PIK3C2G: variants seen among roughly 807,000 people sequenced by gnomAD.
PIK3C2G encodes the protein phosphatidylinositol-4-phosphate 3-kinase catalytic subunit type 2 gamma.
In PIK3C2G, 168 loss-of-function variants were observed where a neutral mutation model predicts 181.1. The observed-to-expected ratio is 0.93, with a 90% CI of 0.82 to 1.05. The LOEUF (loss-of-function observed/expected upper bound fraction) is 1.05, where lower values mean the gene tolerates loss of function less well. Among genes scored for constraint, PIK3C2G ranks in the 50% least tolerant of loss-of-function variants. PIK3C2G has a pLI of 0.00. For missense variants in PIK3C2G, 1,869 were observed against 1,732.8 expected (o/e 1.08, Z -1.40); for synonymous variants, 573 against 592.2 (o/e 0.97, Z 0.47).
intron 28 of PIK3C2G, among the ~76,000 whole-genome samples, chr12:18,564,408 A>G (rs987828454): frequency 6.6e-5 from 10 of 151,010 alleles, no homozygotes; most frequent in African/African-American, 2.2e-4. Flanking sequence ...AATTGTTTAT[A>G]CTTTACCTGG....
rs1248521326 is a variant in PIK3C2G at position 18,376,706 on chromosome 12, T to A, written c.1881-5060T>A. Among the ~76,000 whole-genome samples the A allele has an allele frequency of 2.6e-5, 4 of 152,132 alleles. No individual in the cohort carries two copies. The East Asian group carries it at 7.8e-4, about 30-fold the overall frequency. On this transcript the variant is annotated intron_variant, in intron 13 of 32. Transcript: ENST00000538779. ...GTTGGAGGTAGGACACGGTGGGAGA[T>A]GTTTGGATCATGGAGATGGGTCCTT...
At chr12:18,283,336 G>GT (rs1437352096) in intron 2 of PIK3C2G, among the ~76,000 whole-genome samples, 1 of 152,020 alleles carries the variant, frequency 6.6e-6, no homozygotes, top group Non-Finnish European at 1.5e-5. Context: ...AGTAACCAGA[G>GT]TTTTTTCTGT....
chr12:18,346,577 A>G, intron 10 of PIK3C2G, 64 bp from the exon 11 acceptor site: 1 of 884,058 alleles, frequency 1.1e-6, no homozygotes, highest in South Asian at 1.7e-5. Flanking sequence ...TCAAAGCTGT[A>G]ATTGATGGCC....
chr12:18,637,951 C>A (rs1416035512), intron 31 of PIK3C2G, among the ~76,000 whole-genome samples: 1 of 152,200 alleles, frequency 6.6e-6, no homozygotes, highest in East Asian at 1.9e-4. Flanking sequence ...AATGAAGAAT[C>A]TCTGCTTAGT....
intron 22 of PIK3C2G, among the ~76,000 whole-genome samples, chr12:18,500,856 C>T (rs1243448201): frequency 6.6e-6 from 1 of 152,154 alleles, no homozygotes; most frequent in East Asian, 1.9e-4. Flanking sequence ...TGGGTCCACA[C>T]TGCCTTTATG....
chr12:18,445,844 AAG>A (rs1365588989), intron 18 of PIK3C2G, among the ~76,000 whole-genome samples: 6 of 152,208 alleles, frequency 3.9e-5, no homozygotes, highest in African/African-American at 1.4e-4. Context: ...ATTCACGTAA[AAG>A]AAATATTTAT....
intron 31 of PIK3C2G, among the ~76,000 whole-genome samples, chr12:18,621,040 G>A (rs1948839108): frequency 1.3e-5 from 2 of 151,932 alleles, no homozygotes; most frequent in South Asian, 4.1e-4. Context: ...AAAAACATAT[G>A]AACTTAATCT....
the PIK3C2G span, among the ~76,000 whole-genome samples, chr12:18,664,204 CACAGTTTGGTGGTTCCTCAAAA>C: frequency 6.6e-6 from 1 of 152,146 alleles, no homozygotes; most frequent in Non-Finnish European, 1.5e-5. Context: ...CACTGTGGGA[CACAGTTTGGTGGTTCCTCAAAA>C]ACTTAAACAT....
chr12:18,257,404 G>A (rs1469349103), upstream of PIK3C2G, among the ~76,000 whole-genome samples: 2 of 152,110 alleles, frequency 1.3e-5, no homozygotes, highest in Non-Finnish European at 2.9e-5. Flanking sequence ...TGGGCTCTAG[G>A]CTGGAACACA....
intron 11 of PIK3C2G, among the ~76,000 whole-genome samples, chr12:18,356,577 T>C (rs1940754101): frequency 6.6e-6 from 1 of 152,030 alleles, no homozygotes. Context: ...TGAGCTCTTG[T>C]TTGATGTCCA....
At chr12:18,594,190 G>A (rs779954384) in intron 29 of PIK3C2G, among the ~76,000 whole-genome samples, 1 of 151,856 alleles carries the variant, frequency 6.6e-6, no homozygotes, top group Non-Finnish European at 1.5e-5. Context: ...GATGTGAAAT[G>A]CATGCATATT....
At chr12:18,650,996 T>C (rs1410655101), downstream of PIK3C2G, among the ~76,000 whole-genome samples, 2 of 151,768 alleles carry the variant, frequency 1.3e-5, no homozygotes, top group Non-Finnish European at 2.9e-5. Flanking sequence ...ATTCTTCTGT[T>C]CAAAACTCTG....
At chr12:18,552,156 C>T (rs1287124094) in intron 26 of PIK3C2G, among the ~76,000 whole-genome samples, 2 of 152,038 alleles carry the variant, frequency 1.3e-5, no homozygotes, top group Non-Finnish European at 2.9e-5. Context: ...GTGCACCTGG[C>T]CTCCACATCA....
intron 10 of PIK3C2G, 74 bp downstream of exon 10, chr12:18,343,434 AATTTT>A: frequency 1.3e-6 from 1 of 752,884 alleles, no homozygotes; most frequent in Non-Finnish European, 2.2e-6. Flanking sequence ...TACTTTTTTC[AATTTT>A]TTTATGCAAA....
chr12:18,405,628 C>G (rs1444827108), intron 16 of PIK3C2G, among the ~76,000 whole-genome samples: 1 of 151,982 alleles, frequency 6.6e-6, no homozygotes, highest in East Asian at 1.9e-4. Flanking sequence ...TATCTTAGAA[C>G]TCTTGAAAAA....
At chr12:18,406,344 G>A (rs1944527341) in intron 16 of PIK3C2G, among the ~76,000 whole-genome samples, 2 of 151,970 alleles carry the variant, frequency 1.3e-5, no homozygotes. Flanking sequence ...TGAACATGGG[G>A]GTACAGATAT....
chr12:18,427,431 C>T (rs1945887709), intron 18 of PIK3C2G, among the ~76,000 whole-genome samples: 1 of 147,320 alleles, frequency 6.8e-6, no homozygotes, highest in African/African-American at 2.5e-5. Context: ...TGCTGGAACC[C>T]GGGAGGTTGC....
chr12:18,346,808 CACA>C lies in PIK3C2G; in HGVS notation c.1601_1603del (p.Asn534del). The C allele has an allele frequency of 3.1e-6, 5 of 1,611,668 alleles. No individual in the cohort carries two copies. Among genetic ancestry groups the C allele is most frequent in the Non-Finnish European group, 4.2e-6 (5 of 1,178,786 alleles). On this transcript the variant is annotated inframe_deletion, in exon 11 of 33. Coordinates refer to ENST00000538779, the MANE Select transcript of PIK3C2G (RefSeq NM_001288772.2). ...CCTCAGCTTCACAGTGTATGCAGCACACAACATTCCAGAAACCTGGGTGCACAG... is the reference window on the plus strand; with the variant it reads ...CCTCAGCTTCACAGTGTATGCAGCACACATTCCAGAAACCTGGGTGCACAG...
chr12:18,712,602 C>T, the PIK3C2G span, among the ~76,000 whole-genome samples: 2 of 152,078 alleles, frequency 1.3e-5, no homozygotes, highest in Admixed American at 6.6e-5. Flanking sequence ...TGAAACAATA[C>T]ACACACACAC....
Sources: allele counts gnomAD v4.1 joint callset (sites outside exome capture counted in the v4.1 genomes callset), GRCh38; gene constraint gnomAD v4.1.1; transcripts MANE v1.5; gene names NCBI Gene and HGNC (gene_info 2026-07-23, HGNC 2026-07-21).